The following GALNT13 variants were observed in gnomAD, a reference collection of about 807,000 sequenced individuals.
GALNT13 encodes polypeptide N-acetylgalactosaminyltransferase 13.
A neutral mutation model predicts 64.2 loss-of-function variants in GALNT13; 28 were observed. The observed-to-expected ratio is 0.44, with a 90% CI of 0.32 to 0.60. The LOEUF is 0.60. GALNT13 is among the 20% of genes least tolerant of loss of function. The pLI, the probability that GALNT13 is intolerant of heterozygous loss-of-function variation, is 0.05. For missense variants in GALNT13, 577 were observed against 669.8 expected (o/e 0.86, Z 1.53); for synonymous variants, 214 against 224.6 (o/e 0.95, Z 0.42).
chr2:153,295,053 C>T, the GALNT13 span, among the ~76,000 whole-genome samples: 1 of 152,084 alleles, frequency 6.6e-6, no homozygotes, highest in African/African-American at 2.4e-5. Context: ...TTTAAATAGA[C>T]ACAGGTGAAG....
At chr2:153,088,541 T>C in the GALNT13 span, among the ~76,000 whole-genome samples, 1 of 152,152 alleles carries the variant, frequency 6.6e-6, no homozygotes, top group Non-Finnish European at 1.5e-5. Context: ...ATGACCTGGC[T>C]AGTGCTGTCA....
chr2:154,025,542 G>A (rs1697892391), intron 3 of GALNT13, among the ~76,000 whole-genome samples: 5 of 61,264 alleles, frequency 8.2e-5, no homozygotes, highest in Admixed American at 5.5e-4. Context: ...AGTTTCGAAG[G>A]CATGGTTTTA....
At chr2:153,857,301 G>A in the GALNT13 span, among the ~76,000 whole-genome samples, 16 of 151,926 alleles carry the variant, frequency 1.1e-4, no homozygotes, top group Admixed American at 3.3e-4. Flanking sequence ...ATTTACCAGC[G>A]TACCACTGAT....
At chr2:153,261,626 A>T in the GALNT13 span, among the ~76,000 whole-genome samples, 1 of 152,128 alleles carries the variant, frequency 6.6e-6, no homozygotes, top group African/African-American at 2.4e-5. Context: ...TGCTGGGTCA[A>T]ATCTGAAGCC....
chr2:153,538,326 CTTTT>C, the GALNT13 span, among the ~76,000 whole-genome samples: 430 of 100,826 alleles, frequency 4.3e-3, 4 homozygotes, highest in East Asian at 0.029. Context: ...TTTTTTAATT[CTTTT>C]TTTTTTTTTT....
At chr2:154,354,617 C>CT (rs748220614) in intron 9 of GALNT13, among the ~76,000 whole-genome samples, 7,516 of 105,510 alleles carry the variant, frequency 0.071, 201 homozygotes, top group Middle Eastern at 0.088. Flanking sequence ...TTCAATCTCA[C>CT]TTTTTTTTTT....
the GALNT13 span, among the ~76,000 whole-genome samples, chr2:153,434,678 TG>T: frequency 2.0e-5 from 3 of 152,150 alleles, no homozygotes; most frequent in Admixed American, 6.5e-5. Flanking sequence ...TGGGGTTGTT[TG>T]GTTTTTTTCT....
chr2:154,311,135 T>A (rs1022183341), intron 9 of GALNT13, among the ~76,000 whole-genome samples: 1 of 152,146 alleles, frequency 6.6e-6, no homozygotes, highest in Non-Finnish European at 1.5e-5. Flanking sequence ...GCTTGAGCAC[T>A]TACTGTATAC....
At chr2:153,459,369 C>T in the GALNT13 span, among the ~76,000 whole-genome samples, 1 of 151,988 alleles carries the variant, frequency 6.6e-6, no homozygotes, top group African/African-American at 2.4e-5. Flanking sequence ...GTAGTCCCAG[C>T]TACTCAAGAA....
chr2:153,192,340 A>T, the GALNT13 span, among the ~76,000 whole-genome samples: 1 of 152,198 alleles, frequency 6.6e-6, no homozygotes, highest in East Asian at 1.9e-4. Flanking sequence ...GTATTTATAC[A>T]GTTTTCAAAG....
the GALNT13 span, among the ~76,000 whole-genome samples, chr2:153,378,411 T>C: frequency 6.6e-6 from 1 of 152,190 alleles, no homozygotes; most frequent in Non-Finnish European, 1.5e-5. Context: ...CAGTTTGTGA[T>C]ATCAATATGA....
intron 1 of GALNT13, among the ~76,000 whole-genome samples, chr2:153,898,233 T>G (rs1018886502): frequency 2.6e-5 from 4 of 152,168 alleles, no homozygotes; most frequent in Non-Finnish European, 4.4e-5. Context: ...GCCGAAGGAC[T>G]TGGATTTGTG....
the GALNT13 span, among the ~76,000 whole-genome samples, chr2:153,292,230 A>G: frequency 1.8e-3 from 268 of 152,308 alleles, 3 homozygotes; most frequent in Middle Eastern, 0.024. Context: ...TGGAGGGAGC[A>G]GGTGGCAAAG....
intron 3 of GALNT13, among the ~76,000 whole-genome samples, chr2:154,076,711 G>A (rs907864256): frequency 2.0e-5 from 3 of 151,638 alleles, no homozygotes; most frequent in African/African-American, 7.2e-5. Context: ...ACCTGGGATT[G>A]TCCCAATTAA....
the GALNT13 span, among the ~76,000 whole-genome samples, chr2:153,844,195 A>T: frequency 3.3e-5 from 5 of 152,144 alleles, no homozygotes; most frequent in African/African-American, 1.2e-4. Flanking sequence ...CCCCTGCAGC[A>T]TGCTTCTGCC....
chr2:153,864,247 T>G, the GALNT13 span, among the ~76,000 whole-genome samples: 1 of 152,160 alleles, frequency 6.6e-6, no homozygotes, highest in African/African-American at 2.4e-5. Context: ...GGCTGAAAAT[T>G]AGTTGTTTTT....
the GALNT13 span, among the ~76,000 whole-genome samples, chr2:153,118,116 C>CACAT: frequency 1.4e-5 from 2 of 147,274 alleles, no homozygotes; most frequent in Non-Finnish European, 3.0e-5. Context: ...CCAACACACA[C>CACAT]ACACACACAC....
At chr2:153,268,472 C>T in the GALNT13 span, among the ~76,000 whole-genome samples, 1 of 152,208 alleles carries the variant, frequency 6.6e-6, no homozygotes, top group African/African-American at 2.4e-5. Flanking sequence ...TGACTGCTTT[C>T]ATGTGGGGCT....
At chr2:153,646,605 C>T in the GALNT13 span, among the ~76,000 whole-genome samples, 2 of 152,118 alleles carry the variant, frequency 1.3e-5, no homozygotes, top group East Asian at 1.9e-4. Flanking sequence ...AATGCTATCT[C>T]TCCCCCCTCC....
Sources: allele counts gnomAD v4.1 joint callset (sites outside exome capture counted in the v4.1 genomes callset), GRCh38; gene constraint gnomAD v4.1.1; transcripts MANE v1.5; gene names NCBI Gene and HGNC (gene_info 2026-07-23, HGNC 2026-07-21).